CDK15: variants seen among roughly 807,000 people sequenced by gnomAD.
CDK15 encodes cyclin dependent kinase 15.
In CDK15, 62 loss-of-function variants were observed where a neutral mutation model predicts 60.3. That is an observed-to-expected ratio of 1.03 (90% CI 0.84 to 1.27). CDK15 has a LOEUF of 1.27. Ranked by LOEUF, CDK15 falls within the 50% of genes most tolerant of loss-of-function variation. The pLI is 0.00. For missense variants in CDK15, 541 were observed against 527.8 expected, an observed-to-expected ratio of 1.03 and a Z score of -0.25; for synonymous variants, 194 against 195.7, an observed-to-expected ratio of 0.99 and a Z score of 0.07.
intron 3 of CDK15, among the ~76,000 whole-genome samples, chr2:201,809,065 T>G (rs1695639538): frequency 1.3e-5 from 2 of 152,298 alleles, no homozygotes; most frequent in South Asian, 4.1e-4. Flanking sequence ...TTTCTTAATC[T>G]GTTTTAGTCA....
intron 6 of CDK15, among the ~76,000 whole-genome samples, chr2:201,828,210 A>C (rs1696591320): frequency 6.6e-6 from 1 of 152,190 alleles, no homozygotes; most frequent in African/African-American, 2.4e-5. Flanking sequence ...AAGGGAAATG[A>C]GCAGTAGGCA....
intron 10 of CDK15, among the ~76,000 whole-genome samples, chr2:201,868,777 A>T (rs1698737300): frequency 6.6e-6 from 1 of 152,248 alleles, no homozygotes; most frequent in African/African-American, 2.4e-5. Flanking sequence ...CACATGAAAA[A>T]ATGTTCATCA....
chr2:201,856,309 C>A (rs973148715), intron 10 of CDK15, among the ~76,000 whole-genome samples: 4 of 152,146 alleles, frequency 2.6e-5, no homozygotes, highest in African/African-American at 9.7e-5. Flanking sequence ...AGGGATCTGG[C>A]ATCTTGAACC....
At chr2:201,834,544 GCATA>G (rs1360879612) in intron 7 of CDK15, among the ~76,000 whole-genome samples, 2 of 152,082 alleles carry the variant, frequency 1.3e-5, no homozygotes, top group Non-Finnish European at 2.9e-5. Context: ...ATACATACAT[GCATA>G]CATACAAATA....
intron 6 of CDK15, among the ~76,000 whole-genome samples, chr2:201,825,460 G>C (rs1201849666): frequency 6.6e-6 from 1 of 151,738 alleles, no homozygotes; most frequent in Non-Finnish European, 1.5e-5. Flanking sequence ...CTGGAAGTAA[G>C]GTTTTGGAAA....
At chr2:201,842,627 AT>A (rs1177398577) in intron 8 of CDK15, among the ~76,000 whole-genome samples, 2 of 152,038 alleles carry the variant, frequency 1.3e-5, no homozygotes, top group East Asian at 1.9e-4. Flanking sequence ...CCCGAGATGG[AT>A]TTTTTTTCTC....
At chr2:201,859,251 G>A (rs567626468) in intron 10 of CDK15, among the ~76,000 whole-genome samples, 181 of 152,314 alleles carry the variant, frequency 1.2e-3, no homozygotes, top group African/African-American at 4.2e-3. Context: ...TTGTGGCGCT[G>A]AAGATCCCAG....
intron 4 of CDK15, 23 bp downstream of exon 4, chr2:201,812,585 C>G: frequency 6.5e-7 from 1 of 1,541,430 alleles, no homozygotes; most frequent in Non-Finnish European, 9.0e-7. Flanking sequence ...GAAATGGACC[C>G]AATAGATCTG....
At chr2:201,834,834 A>C (rs1696935775) in intron 7 of CDK15, among the ~76,000 whole-genome samples, 1 of 152,224 alleles carries the variant, frequency 6.6e-6, no homozygotes, top group Admixed American at 6.5e-5. Context: ...TTTTATCCTG[A>C]CATGTAAGCA....
intron 7 of CDK15, among the ~76,000 whole-genome samples, chr2:201,835,379 C>A (rs1327726828): frequency 6.6e-6 from 1 of 152,138 alleles, no homozygotes; most frequent in Non-Finnish European, 1.5e-5. Context: ...CACACATCAC[C>A]TCTGTTCATA....
intron 10 of CDK15, among the ~76,000 whole-genome samples, chr2:201,857,918 G>A (rs1371650312): frequency 6.6e-6 from 1 of 152,142 alleles, no homozygotes; most frequent in Admixed American, 6.5e-5. Context: ...AGACAAGCTG[G>A]GAGCCAGGAA....
intron 10 of CDK15, chr2:201,860,697 A>G (rs745336721): frequency 7.4e-7 from 1 of 1,351,946 alleles, no homozygotes; most frequent in Non-Finnish European, 9.8e-7. Flanking sequence ...AGGGATGCCC[A>G]GTTGTTTTTC....
At chr2:201,860,025 T>C (rs902199302) in intron 10 of CDK15, among the ~76,000 whole-genome samples, 5 of 152,206 alleles carry the variant, frequency 3.3e-5, no homozygotes, top group Non-Finnish European at 5.9e-5. Context: ...CTTGCCTACA[T>C]GATTGCAGCC....
intron 11 of CDK15, among the ~76,000 whole-genome samples, chr2:201,878,871 C>CCCATTTTCTAATACTA (rs1403060615): frequency 6.6e-6 from 1 of 152,156 alleles, no homozygotes; most frequent in Non-Finnish European, 1.5e-5. Context: ...TCCCAAAGTT[C>CCCATTTTCTAATACTA]CCATTTTCTA....
chr2:201,851,879 G>A (rs929778005), intron 9 of CDK15, among the ~76,000 whole-genome samples: 3 of 152,156 alleles, frequency 2.0e-5, no homozygotes, highest in South Asian at 4.1e-4. Flanking sequence ...GGCTGATCTC[G>A]AACTCTCGAC....
At chr2:201,833,820 C>T (rs1225391293) in intron 6 of CDK15, 28 bp from the exon 7 acceptor site, 1 of 1,603,442 alleles carries the variant, frequency 6.2e-7, no homozygotes, top group Admixed American at 1.7e-5. Context: ...GCTCAAATCT[C>T]CTTATGGATA....
intron 10 of CDK15, among the ~76,000 whole-genome samples, chr2:201,868,966 T>C (rs951027540): frequency 4.6e-5 from 7 of 152,162 alleles, no homozygotes; most frequent in African/African-American, 1.7e-4. Context: ...TGGAAGACAG[T>C]GTGGCGATTC....
chr2:201,869,300 G>A lies in CDK15; in HGVS notation c.1010-2978G>A, dbSNP rs546366932. On this transcript the variant is annotated intron_variant, in intron 10 of 13. Transcript: ENST00000652192. ...AAGGACAGAAAACCAAACACCGCATGTTCTCACTCACAGGGGGGAATTGAA... is the reference window on the plus strand; with the variant it reads ...AAGGACAGAAAACCAAACACCGCATATTCTCACTCACAGGGGGGAATTGAA... Among the ~76,000 whole-genome samples the A allele has an allele frequency of 1.7e-4, 25 of 149,364 alleles. 1 individual carries two copies. The East Asian group carries it at 4.8e-3, about 29-fold the overall frequency.
intron 9 of CDK15, among the ~76,000 whole-genome samples, chr2:201,848,424 A>G (rs533076125): frequency 3.3e-5 from 5 of 152,088 alleles, no homozygotes; most frequent in Non-Finnish European, 7.4e-5. Context: ...ACCCTCCTTA[A>G]GTGTACAGCT....
Sources: gnomAD v4.1 joint callset for allele counts (sites outside exome capture counted in the v4.1 genomes callset) on GRCh38, gnomAD v4.1.1 for gene constraint, MANE v1.5 for transcripts, NCBI Gene and HGNC (gene_info 2026-07-23, HGNC 2026-07-21) for gene names.